PAQR3: variants seen among roughly 807,000 people sequenced by gnomAD.
PAQR3 encodes Raf kinase trapping to Golgi.
A neutral mutation model predicts 41.7 loss-of-function variants in PAQR3; 39 were observed. That is an observed-to-expected ratio of 0.93 (90% CI 0.72 to 1.22). PAQR3 has a LOEUF of 1.22. Ranked by LOEUF, PAQR3 falls within the 50% of genes most tolerant of loss-of-function variation. The probability of loss-of-function intolerance (pLI) is 0.00; values close to 1 mark genes in which losing one functional copy is unlikely to be tolerated. For synonymous variants in PAQR3, 140 were observed against 140.6 expected, an observed-to-expected ratio of 1.00 and a Z score of 0.03; for missense variants, 366 against 385.6, an observed-to-expected ratio of 0.95 and a Z score of 0.42.
chr4:78,906,214 C>T (rs1404281433), intron 10 of PAQR3: 2 of 152,078 alleles, frequency 1.3e-5, no homozygotes, highest in Non-Finnish European at 2.9e-5. Context: ...CAGAGAGCCT[C>T]ATTACTGCTC....
intron 5 of PAQR3, chr4:78,923,025 T>C (rs1463958494): frequency 2.2e-6 from 1 of 455,102 alleles, no homozygotes; most frequent in South Asian, 1.6e-5. Context: ...CTTGTGTATC[T>C]TGGAAACACA....
downstream of PAQR3, among the ~76,000 whole-genome samples, chr4:78,909,372 T>TA (rs34963549): frequency 0.79 from 119,731 of 151,674 alleles, 47,567 homozygotes; most frequent in Non-Finnish European, 0.84. Flanking sequence ...CATTTTTTTT[T>TA]ATGTAAACCT....
chr4:78,912,206 A>G lies in PAQR3; in HGVS notation c.*8333T>C, dbSNP rs1243989899. On this transcript the variant is annotated 3_prime_UTR_variant, in exon 6 of 6. Coordinates refer to ENST00000512733, the MANE Select transcript of PAQR3 (RefSeq NM_001040202.2). ...GAATGAAGTATCTCTACAGGGTAGT[A>G]ACTTGATTCCTCTTCAGGAGAAAAG... The G allele has an allele frequency of 1.6e-6, 1 of 609,338 alleles. No homozygotes were observed. The highest frequency in any genetic ancestry group is 2.8e-6 in the Non-Finnish European group (1 of 362,670). The allele number at this position is 609,338 out of a possible 1,614,324, so 37.7% of individuals were successfully genotyped here.
downstream of PAQR3, chr4:78,910,482 T>C (rs1295957339): frequency 1.3e-6 from 1 of 782,514 alleles, no homozygotes; most frequent in Non-Finnish European, 2.0e-6. Flanking sequence ...ATTGACAACA[T>C]TATTTTTTCC....
chr4:78,931,411 A>ATAC (rs1289749462), intron 2 of PAQR3, among the ~76,000 whole-genome samples: 1 of 152,070 alleles, frequency 6.6e-6, no homozygotes, highest in Non-Finnish European at 1.5e-5. Flanking sequence ...AATAATAATA[A>ATAC]TAATTTAAAA....
chr4:78,898,052 A>G (rs778516178), intron 11 of PAQR3, among the ~76,000 whole-genome samples: 18 of 152,314 alleles, frequency 1.2e-4, no homozygotes, highest in Admixed American at 2.0e-4. Context: ...TTAAGCCCTG[A>G]GAAATGAATG....
chr4:78,888,525 C>T (rs1733234145), intron 11 of PAQR3, among the ~76,000 whole-genome samples: 1 of 152,142 alleles, frequency 6.6e-6, no homozygotes, highest in African/African-American at 2.4e-5. Context: ...TTATCCTTTT[C>T]AGGTTTGCAT....
chr4:78,906,292 G>A, intron 10 of PAQR3: 1 of 152,008 alleles, frequency 6.6e-6, no homozygotes, highest in East Asian at 1.9e-4. Flanking sequence ...TGTCAGTGTG[G>A]GTTGCAAGAA....
rs1030653854 is a variant in PAQR3 at position 78,935,173 on chromosome 4, C to T, written c.296G>A (p.Ser99Asn). 4 of 1,613,742 alleles carry T rather than the reference C, an allele frequency of 2.5e-6. No individual in the cohort carries two copies. In the African/African-American group the frequency reaches 4.0e-5, roughly 16 times the overall value. Residue 99 changes from serine to asparagine, a missense_variant, in exon 2 of 6, where the codon AGT (serine) becomes AAT (asparagine). Ser to Asn is a conservative substitution (Grantham distance 46). Coordinates refer to ENST00000512733, the MANE Select transcript of PAQR3 (RefSeq NM_001040202.2). ...YDMTSVLPSA[S>N]ASREDFVICS... ...AATTACAAAATCTTCTCTGGACGCA[C>T]TTGCTGAAGGTAACACAGATGTCAT... is the stretch of plus-strand genomic sequence containing the variant.
At position 78,893,313 on chromosome 4, in the gene PAQR3, C is replaced by G. The variant is rs75530869; in HGVS notation, c.*837-5165G>C. 1.4e-3 allele frequency among the ~76,000 whole-genome samples: 206 copies of G among 152,316 alleles called. 1 individual carries two copies. Among genetic ancestry groups the G allele is most frequent in the African/African-American group, 4.8e-3 (199 of 41,568 alleles). On this transcript the variant is annotated intron_variant and NMD_transcript_variant, in intron 11 of 12. Coordinates refer to the PAQR3 transcript ENST00000342820. ...ATTTTTAGGTTCTATTTCTAGTTCT[C>G]TTGCTCTTTCCATGACATCTGCAGT...
In PAQR3 at chr4:78,930,955, C is replaced by T. The variant is rs902826440; in HGVS notation, c.349-630G>A. 5.9e-5 allele frequency among the ~76,000 whole-genome samples: 9 copies of T among 151,614 alleles called. No homozygotes were observed. The East Asian group carries it at 1.7e-3, about 29-fold the overall frequency. On this transcript the variant is annotated intron_variant, in intron 2 of 5. Coordinates refer to ENST00000512733, the MANE Select transcript of PAQR3 (RefSeq NM_001040202.2). ...AAATCACACTATGCATTCTGTTCCA[C>T]AATTGGCTTTTTTTCAGTTAAGAAT...
downstream of PAQR3, chr4:78,911,877 G>A: frequency 1.9e-6 from 3 of 1,613,950 alleles, no homozygotes; most frequent in Non-Finnish European, 2.5e-6. Flanking sequence ...CACTACATGG[G>A]TCATTCCATA....
At chr4:78,899,127 C>T (rs1733865617) in intron 11 of PAQR3, 1 of 152,232 alleles carries the variant, frequency 6.6e-6, no homozygotes. Flanking sequence ...GCACTCCAGC[C>T]TGGGCAACAT....
chr4:78,935,362 A>T, intron 1 of PAQR3, 79 bp from the exon 2 acceptor site: 1 of 1,280,494 alleles, frequency 7.8e-7, no homozygotes. Context: ...GACAATTTTG[A>T]GGAGTTACCT....
rs946481186 is a variant in PAQR3 at position 78,918,637 on chromosome 4, T to C, written c.*1902A>G. 2 of 953,592 alleles carry C rather than the reference T, an allele frequency of 2.1e-6. No homozygotes were observed. The highest frequency in any genetic ancestry group is 3.6e-5 in the African/African-American group (2 of 56,314). The allele number at this position is 953,592 out of a possible 1,614,324, so 59.1% of individuals were successfully genotyped here. On this transcript the variant is annotated 3_prime_UTR_variant, in exon 6 of 6. Coordinates refer to ENST00000512733, the MANE Select transcript of PAQR3 (RefSeq NM_001040202.2). The stretch of plus-strand genomic sequence containing the variant: ...AGTATACTCTTTTCATGTTATTAAT[T>C]CAAATGGCAAGTATGTATTCATATA...
Position 78,939,125 on chromosome 4 carries a change from C to T in PAQR3, c.100G>A (p.Glu34Lys), listed in dbSNP as rs1737759497. 6.2e-7 allele frequency: 1 copy of T among 1,613,808 alleles called. No individual in the cohort carries two copies. Among genetic ancestry groups the T allele is most frequent in the Non-Finnish European group, 8.5e-7 (1 of 1,179,868 alleles). The change falls in exon 1 of 6, where the codon GAG (glutamate) becomes AAG (lysine). Residue 34 changes from glutamate to lysine, a missense_variant. Coordinates refer to ENST00000512733, the MANE Select transcript of PAQR3 (RefSeq NM_001040202.2). ...TCCTTGAGGGACCCGGGGATCTGCT[C>T]GTAGGTGTACAGGCGGATGCCACGG... ...VPRGIRLYTY[E>K]QIPGSLKDNP...
intron 1 of PAQR3, 99 bp from the exon 2 acceptor site, chr4:78,935,382 T>C (rs1560585385): frequency 2.2e-6 from 2 of 929,670 alleles, no homozygotes; most frequent in African/African-American, 1.7e-5. Flanking sequence ...TAATACTTGC[T>C]CCTTTAAGCT....
rs113419444 is a variant in PAQR3 at position 78,925,864 on chromosome 4, C to A, written c.702+657G>T. Among the ~76,000 whole-genome samples the A allele has an allele frequency of 2.6e-5, 4 of 152,302 alleles. 1 individual carries two copies. The highest frequency in any genetic ancestry group is 9.6e-5 in the African/African-American group (4 of 41,574). On this transcript the variant is annotated intron_variant, in intron 4 of 5. Coordinates refer to ENST00000512733, the MANE Select transcript of PAQR3 (RefSeq NM_001040202.2). Reference sequence around the variant, plus strand: ...ATCCTTTTCTCAAGAATCCTGAGTTCTCACTGAGACTCTTCCTAATGCACA... The same window carrying A: ...ATCCTTTTCTCAAGAATCCTGAGTTATCACTGAGACTCTTCCTAATGCACA...
chr4:78,928,075 T>A (rs2110151846), intron 3 of PAQR3, among the ~76,000 whole-genome samples: 1 of 152,370 alleles, frequency 6.6e-6, no homozygotes, highest in East Asian at 1.9e-4. Context: ...AGTTCCCTTA[T>A]CTTTTTAATC....
Sources: gnomAD v4.1 joint callset for allele counts (sites outside exome capture counted in the v4.1 genomes callset) on GRCh38, gnomAD v4.1.1 for gene constraint, MANE v1.5 for transcripts, NCBI Gene and HGNC (gene_info 2026-07-23, HGNC 2026-07-21) for gene names.